ADAM18: variants seen among roughly 807,000 people sequenced by gnomAD.
ADAM18 encodes the protein ADAM metallopeptidase domain 18.
In ADAM18, 117 loss-of-function variants were observed where a neutral mutation model predicts 94.4. The observed-to-expected ratio is 1.24, with a 90% CI of 1.07 to 1.45. The LOEUF (loss-of-function observed/expected upper bound fraction) is 1.45, where lower values mean the gene tolerates loss of function less well. Ranked by LOEUF, ADAM18 falls within the 40% of genes most tolerant of loss-of-function variation. The pLI, the probability that ADAM18 is intolerant of heterozygous loss-of-function variation, is 0.00. For missense variants in ADAM18, 936 were observed against 880.0 expected, an observed-to-expected ratio of 1.06 and a Z score of -0.81; for synonymous variants, 327 against 291.6, an observed-to-expected ratio of 1.12 and a Z score of -1.24.
intron 17 of ADAM18, among the ~76,000 whole-genome samples, chr8:39,705,355 A>C (rs1822212537): frequency 6.6e-6 from 1 of 152,178 alleles, no homozygotes; most frequent in African/African-American, 2.4e-5. Flanking sequence ...TAGCAAAATA[A>C]AATAATGAGA....
intron 2 of ADAM18, among the ~76,000 whole-genome samples, chr8:39,592,809 T>G (rs1232502840): frequency 6.6e-6 from 1 of 152,144 alleles, no homozygotes; most frequent in Non-Finnish European, 1.5e-5. Flanking sequence ...ATCAAGCACG[T>G]GTACCCCTGA....
At chr8:39,609,381 C>T (rs1819193668) in intron 4 of ADAM18, 104 bp from the exon 5 acceptor site, 5 of 759,374 alleles carry the variant, frequency 6.6e-6, no homozygotes, top group Non-Finnish European at 2.1e-6. Context: ...AATTAATGAT[C>T]TTATTATTAA....
At chr8:39,654,696 A>G (rs369246011) in intron 12 of ADAM18, among the ~76,000 whole-genome samples, 2 of 152,162 alleles carry the variant, frequency 1.3e-5, no homozygotes, top group South Asian at 2.1e-4. Context: ...CAGCATCCAC[A>G]TTAGCATTTG....
At chr8:39,584,772 CT>C in intron 1 of ADAM18, 95 bp downstream of exon 1, 1 of 1,433,490 alleles carries the variant, frequency 7.0e-7, no homozygotes, top group Non-Finnish European at 9.7e-7. Flanking sequence ...GACCCTCCCC[CT>C]CTCCCTTCTG....
rs917291703 is a variant in ADAM18 at position 39,714,976 on chromosome 8, T to C, written c.2017+8072T>C. ...GACCTTAATACCATGATCAGTCAAC[T>C]TGATCTAGTTATATTTAGAGAATAT... On this transcript the variant is annotated intron_variant, in intron 18 of 19. Coordinates refer to ENST00000265707, the MANE Select transcript of ADAM18 (RefSeq NM_014237.3). 3.9e-5 allele frequency among the ~76,000 whole-genome samples: 6 copies of C among 152,104 alleles called. No homozygotes were observed. In the South Asian group the frequency reaches 8.3e-4, roughly 21 times the overall value.
chr8:39,705,530 G>C (rs981137097), intron 17 of ADAM18, among the ~76,000 whole-genome samples: 2 of 152,062 alleles, frequency 1.3e-5, no homozygotes, highest in Non-Finnish European at 2.9e-5. Context: ...TTCAAGACCA[G>C]CCTGGGCAAC....
At chr8:39,699,222 T>C (rs925302225) in intron 17 of ADAM18, among the ~76,000 whole-genome samples, 8 of 152,134 alleles carry the variant, frequency 5.3e-5, no homozygotes, top group Admixed American at 3.9e-4. Context: ...TTGTTTTTTA[T>C]GGTTTTTCAG....
intron 10 of ADAM18, among the ~76,000 whole-genome samples, chr8:39,639,936 A>G (rs900002413): frequency 3.3e-5 from 5 of 152,082 alleles, no homozygotes; most frequent in African/African-American, 4.8e-5. Context: ...TCATTTTGGT[A>G]GAAATGAGCT....
At chr8:39,637,135 G>T in intron 7 of ADAM18, 129 bp from the exon 8 acceptor site, 1 of 543,560 alleles carries the variant, frequency 1.8e-6, no homozygotes, top group Non-Finnish European at 3.0e-6. Context: ...GCTCAAATCT[G>T]CACACATTCT....
intron 6 of ADAM18, among the ~76,000 whole-genome samples, chr8:39,617,767 G>T (rs1035713900): frequency 6.6e-6 from 1 of 150,860 alleles, no homozygotes; most frequent in Admixed American, 6.6e-5. Context: ...TGTTCTCACT[G>T]ATAAGTGGGA....
intron 17 of ADAM18, among the ~76,000 whole-genome samples, chr8:39,701,279 A>G (rs536686440): frequency 1.3e-5 from 2 of 150,880 alleles, no homozygotes; most frequent in Admixed American, 1.3e-4. Context: ...TATTTTTGAT[A>G]TGTTCATTGT....
At chr8:39,716,196 T>C (rs1455669238) in intron 18 of ADAM18, among the ~76,000 whole-genome samples, 1 of 152,062 alleles carries the variant, frequency 6.6e-6, no homozygotes, top group East Asian at 1.9e-4. Flanking sequence ...CTATTTCATT[T>C]ATTTCTGCTC....
At chr8:39,586,335 G>A (rs1398820743) in intron 2 of ADAM18, among the ~76,000 whole-genome samples, 1 of 152,180 alleles carries the variant, frequency 6.6e-6, no homozygotes, top group Non-Finnish European at 1.5e-5. Context: ...TTAAAAGACA[G>A]AGGATTAAAA....
chr8:39,654,666 G>A (rs1470155063), intron 12 of ADAM18, among the ~76,000 whole-genome samples: 5 of 148,990 alleles, frequency 3.4e-5, no homozygotes, highest in African/African-American at 9.9e-5. Flanking sequence ...CCATTAACAT[G>A]TGCAAGCGTT....
chr8:39,723,716 C>G, intron 18 of ADAM18, 32 bp from the exon 19 acceptor site: 1 of 1,381,520 alleles, frequency 7.2e-7, no homozygotes, highest in Non-Finnish European at 9.6e-7. Context: ...TCCACTGAGT[C>G]CCCACTAATT....
chr8:39,608,262 TC>T (rs1819151941), intron 3 of ADAM18, among the ~76,000 whole-genome samples: 1 of 151,996 alleles, frequency 6.6e-6, no homozygotes, highest in South Asian at 2.1e-4. Context: ...CAAAGCACCA[TC>T]ATGTCTTACA....
chr8:39,672,348 T>A (rs1423924865), intron 14 of ADAM18, among the ~76,000 whole-genome samples: 11 of 152,088 alleles, frequency 7.2e-5, no homozygotes, highest in Admixed American at 7.2e-4. Flanking sequence ...TATGATAAGA[T>A]CTGGAAAAAT....
At chr8:39,589,426 T>A (rs1323925202) in intron 2 of ADAM18, among the ~76,000 whole-genome samples, 1 of 152,124 alleles carries the variant, frequency 6.6e-6, no homozygotes. Flanking sequence ...CTATGCAGAG[T>A]ATCTATTCCA....
At chr8:39,652,079 C>A (rs1452750297) in intron 12 of ADAM18, among the ~76,000 whole-genome samples, 1 of 152,000 alleles carries the variant, frequency 6.6e-6, no homozygotes, top group East Asian at 1.9e-4. Context: ...AAAACTAAGA[C>A]CTGAAACTAT....
Sources: gnomAD v4.1 joint callset for allele counts (sites outside exome capture counted in the v4.1 genomes callset) on GRCh38, gnomAD v4.1.1 for gene constraint, MANE v1.5 for transcripts, NCBI Gene and HGNC (gene_info 2026-07-23, HGNC 2026-07-21) for gene names.